Variants in CEP57L1 observed in about 807,000 individuals in gnomAD.
CEP57L1 encodes centrosomal protein 57 like 1, also known as centrosomal protein CEP57L1.
CEP57L1 carries 37 observed loss-of-function variants against 61.0 expected under a neutral mutation model. That is an observed-to-expected ratio of 0.61 (90% CI 0.47 to 0.80). The LOEUF (loss-of-function observed/expected upper bound fraction) is 0.80. CEP57L1 is among the 30% of genes least tolerant of loss of function. The pLI is 0.00. For missense variants in CEP57L1, 422 were observed against 524.7 expected (o/e 0.80, Z 1.91); for synonymous variants, 137 against 162.3 (o/e 0.84, Z 1.19).
intron 1 of CEP57L1, among the ~76,000 whole-genome samples, chr6:109,099,312 T>C (rs1782088828): frequency 6.6e-6 from 1 of 152,068 alleles, no homozygotes; most frequent in African/African-American, 2.4e-5. Flanking sequence ...GAGCAGCCAG[T>C]GAGCAGAGAA....
In CEP57L1 at chr6:109,171,258, GA is replaced by G. The variant is rs1457365813; in HGVS notation, c.*8289del. ...TAGAGTTTGATTTTTTTTTTTTTGA[GA>G]CGGAGTTTCGCTCTTGTTGCCCAAG... On this transcript the variant is annotated 3_prime_UTR_variant, in exon 11 of 11. Coordinates refer to ENST00000517392, the MANE Select transcript of CEP57L1 (RefSeq NM_001271852.3). Among the ~76,000 whole-genome samples the G allele has an allele frequency of 2.6e-5, 3 of 117,632 alleles. No individual in the cohort carries two copies. The highest frequency in any genetic ancestry group is 5.5e-5 in the Non-Finnish European group (3 of 55,044). 77.2% of individuals were successfully genotyped at this position (117,632 alleles called of 152,430 possible). A position where few individuals can be genotyped will look rare whatever the true frequency, so the allele number is the denominator to read the frequency against.
chr6:109,137,965 T>G (rs1027048900), intron 1 of CEP57L1, among the ~76,000 whole-genome samples: 3 of 152,128 alleles, frequency 2.0e-5, no homozygotes, highest in Non-Finnish European at 4.4e-5. Flanking sequence ...AGGGAGAGAA[T>G]AAGCCATGCA....
chr6:109,107,832 T>C (rs1562499976), intron 1 of CEP57L1, among the ~76,000 whole-genome samples: 1 of 151,948 alleles, frequency 6.6e-6, no homozygotes, highest in Admixed American at 6.6e-5. Flanking sequence ...TCCCAGCTAC[T>C]TGGGAGGCTG....
chr6:109,126,414 G>A (rs552237013), intron 1 of CEP57L1, among the ~76,000 whole-genome samples: 14 of 152,204 alleles, frequency 9.2e-5, no homozygotes, highest in South Asian at 2.1e-4. Flanking sequence ...GTTTTAGAAG[G>A]TAGAAGTAAG....
At chr6:109,131,523 A>G (rs1343363618) in intron 1 of CEP57L1, among the ~76,000 whole-genome samples, 1 of 151,980 alleles carries the variant, frequency 6.6e-6, no homozygotes, top group Non-Finnish European at 1.5e-5. Flanking sequence ...CCTAAGTATC[A>G]TTCTGTGTGT....
chr6:109,125,387 A>T (rs932430010), intron 1 of CEP57L1, among the ~76,000 whole-genome samples: 1 of 151,858 alleles, frequency 6.6e-6, no homozygotes, highest in African/African-American at 2.4e-5. Flanking sequence ...GAAGTCCCAC[A>T]ATTAATTCTG....
At chr6:109,123,864 T>A (rs961503598) in intron 1 of CEP57L1, among the ~76,000 whole-genome samples, 15 of 151,096 alleles carry the variant, frequency 9.9e-5, no homozygotes, top group Non-Finnish European at 2.1e-4. Flanking sequence ...ATGACAGGAG[T>A]TCAAGATTAG....
At chr6:109,138,146 T>C (rs921550687) in intron 1 of CEP57L1, among the ~76,000 whole-genome samples, 1 of 152,202 alleles carries the variant, frequency 6.6e-6, no homozygotes, top group Non-Finnish European at 1.5e-5. Context: ...GGGACCCAAT[T>C]CATATATGGC....
intron 1 of CEP57L1, among the ~76,000 whole-genome samples, chr6:109,112,643 C>T (rs956277232): frequency 6.6e-6 from 1 of 152,046 alleles, no homozygotes. Flanking sequence ...CTCTTGTGGG[C>T]ATTTAGTGCT....
rs544795048 is a variant in CEP57L1, at chr6:109,168,218, A to T, written c.*5248A>T. Among the ~76,000 whole-genome samples, 6 of 152,278 alleles carry T rather than the reference A, an allele frequency of 3.9e-5. No individual in the cohort carries two copies. In the East Asian group the frequency reaches 9.7e-4, roughly 24 times the overall value. Reference sequence around the variant, plus strand: ...TTTTCACTCTTTATTAGGCTTCTTGATTGAAGATACCAGTTCCTTTAGTAA... The same window carrying T: ...TTTTCACTCTTTATTAGGCTTCTTGTTTGAAGATACCAGTTCCTTTAGTAA... On this transcript the variant is annotated 3_prime_UTR_variant, in exon 11 of 11. Transcript: ENST00000517392.
chr6:109,150,280 A>G (rs950833657), intron 4 of CEP57L1, 41 bp downstream of exon 4: 1 of 1,569,742 alleles, frequency 6.4e-7, no homozygotes, highest in Non-Finnish European at 8.7e-7. Flanking sequence ...ATAATTTTGT[A>G]TGTTTTTGAA....
At chr6:109,135,814 C>A (rs899379987) in intron 1 of CEP57L1, among the ~76,000 whole-genome samples, 29 of 152,290 alleles carry the variant, frequency 1.9e-4, no homozygotes, top group African/African-American at 6.5e-4. Flanking sequence ...ACATGAAAAA[C>A]TGCTCATCAT....
At chr6:109,156,185 A>T (rs925622032) in intron 7 of CEP57L1, 3 of 170,560 alleles carry the variant, frequency 1.8e-5, no homozygotes, top group Non-Finnish European at 3.7e-5. Context: ...GAAGCACTCC[A>T]GTTTTTCTAG....
intron 1 of CEP57L1, among the ~76,000 whole-genome samples, chr6:109,141,098 G>A (rs1404822690): frequency 6.7e-6 from 1 of 148,776 alleles, no homozygotes; most frequent in African/African-American, 2.5e-5. Context: ...CCAAAGTGCT[G>A]GGATTACAGA....
intron 1 of CEP57L1, among the ~76,000 whole-genome samples, chr6:109,125,286 C>T (rs936641463): frequency 2.0e-5 from 3 of 151,812 alleles, no homozygotes; most frequent in South Asian, 2.1e-4. Flanking sequence ...TAAAACTAGT[C>T]GAAATAAATT....
intron 1 of CEP57L1, among the ~76,000 whole-genome samples, chr6:109,126,135 T>C (rs554063150): frequency 6.6e-6 from 1 of 152,296 alleles, no homozygotes; most frequent in South Asian, 2.1e-4. Flanking sequence ...CCTGAAGATA[T>C]GTATGCCCCT....
rs568539598 is a variant in CEP57L1 at position 109,163,186 on chromosome 6, C to G, written c.*216C>G. 7.2e-6 allele frequency: 3 copies of G among 416,036 alleles called. No individual in the cohort carries two copies. The East Asian group carries it at 1.3e-4, about 18-fold the overall frequency. The allele number at this position is 416,036 out of a possible 1,614,324, so 25.8% of individuals were successfully genotyped here. On this transcript the variant is annotated 3_prime_UTR_variant, in exon 11 of 11. Transcript: ENST00000517392. Reference sequence around the variant, plus strand: ...TTTATTTTTCTTATTGATTGAAGCCCGTAACCTCATCTTGTCTTAGAAACA... The same window carrying G: ...TTTATTTTTCTTATTGATTGAAGCCGGTAACCTCATCTTGTCTTAGAAACA...
chr6:109,136,700 T>TTTTTATTTTATTTTATTTTATTTTA (rs557844549), intron 1 of CEP57L1, among the ~76,000 whole-genome samples: 8 of 115,802 alleles, frequency 6.9e-5, no homozygotes, highest in African/African-American at 2.5e-4. Flanking sequence ...GAAACTTGTA[T>TTTTTATTTTATTTTATTTTATTTTA]TTTTATTTTA....
chr6:109,096,001 T>G (rs1781654236), intron 1 of CEP57L1, among the ~76,000 whole-genome samples: 1 of 152,166 alleles, frequency 6.6e-6, no homozygotes, highest in Non-Finnish European at 1.5e-5. Context: ...AAGCAAGTTG[T>G]CAAATCCATC....
Sources: allele counts gnomAD v4.1 joint callset (sites outside exome capture counted in the v4.1 genomes callset), GRCh38; gene constraint gnomAD v4.1.1; transcripts MANE v1.5; gene names NCBI Gene and HGNC (gene_info 2026-07-23, HGNC 2026-07-21).